STK25: variants seen among roughly 807,000 people sequenced by gnomAD.
STK25 encodes the protein serine/threonine kinase 25.
Under a neutral mutation model 53.8 loss-of-function variants are expected in STK25, and 29 were observed. The ratio of observed to expected loss-of-function variants is 0.54; its 90% confidence interval spans 0.40 to 0.74. The LOEUF (loss-of-function observed/expected upper bound fraction) is 0.74. STK25 is among the 30% of genes least tolerant of loss of function. The pLI is 0.00. For missense variants in STK25, 420 were observed against 568.0 expected (o/e 0.74, Z 2.65); for synonymous variants, 247 against 238.3 (o/e 1.04, Z -0.33).
Position 241,501,545 on chromosome 2 carries a change from T to A in STK25, c.194A>T (p.Gln65Leu). Residue 65 changes from glutamine (Q) to leucine (L), a missense_variant, in exon 3 of 12, where the codon CAG becomes CTG. Transcript: ENST00000316586. The surrounding 1 kb of genome is among the most constrained non-coding windows in gnomAD (Gnocchi z 5.3). ...EAEDEIEDIQ[Q>L]EITVLSQCDS... The stretch of plus-strand genomic sequence containing the variant: ...GCACTGACTGAGGACAGTGATCTCC[T>A]GCTGGATGTCCTCGATCTCATCCTC... The A allele has an allele frequency of 6.2e-7, 1 of 1,614,132 alleles. No individual in the cohort carries two copies. The highest frequency in any genetic ancestry group is 8.5e-7 in the Non-Finnish European group (1 of 1,180,040).
chr2:241,508,397 C>T, intron 1 of STK25, 46 bp downstream of exon 1: 5 of 1,072,106 alleles, frequency 4.7e-6, no homozygotes, highest in Admixed American at 5.3e-5. Context: ...CCTCCCTCTG[C>T]CCCCTCCCCA....
Position 241,493,408 on chromosome 2 carries a change from A to C in STK25, c.*2254T>G, listed in dbSNP as rs201251233. The stretch of plus-strand genomic sequence containing the variant: ...AAGCTCCAGTTCAAATCCCACGTCT[A>C]CTTCTTCCGGGCTGAGAGCAAGTAC... On this transcript the variant is annotated 3_prime_UTR_variant, in exon 12 of 12. Transcript: ENST00000316586. 9.3e-6 allele frequency: 15 copies of C among 1,613,936 alleles called. No individual in the cohort carries two copies. The East Asian group carries it at 2.5e-4, about 26-fold the overall frequency.
In STK25 at chr2:241,499,130, C is replaced by G. The variant is rs760810895; in HGVS notation, c.630G>C (p.Lys210Asn). 5 of 1,613,884 alleles carry G rather than the reference C, an allele frequency of 3.1e-6. No homozygotes were observed. The South Asian group carries it at 5.5e-5, about 18-fold the overall frequency. The change falls in exon 7 of 12, where the codon AAG becomes AAC. Residue 210 changes from lysine to asparagine, a missense_variant. Physicochemically the swap from Lys to Asn is moderately conservative, Grantham distance 94 (BLOSUM62 0). Transcript: ENST00000316586. ...GGAGGTCAGAGTTTGGAGGCTCCCC[C>G]TTGGCCAGCTCGATGGCTGTGATCC... ...SLGITAIELA[K>N]GEPPNSDLHP...
Position 241,494,286 on chromosome 2 carries a change from G to C in STK25, c.*1376C>G, listed in dbSNP as rs1285885191. The C allele has an allele frequency of 2.3e-6, 1 of 426,018 alleles. No homozygotes were observed. The highest frequency in any genetic ancestry group is 4.2e-6 in the Non-Finnish European group (1 of 236,346). The allele number at this position is 426,018 out of a possible 1,614,324, so 26.4% of individuals were successfully genotyped here. ...GGGCCTCATGTAACATCTGGGAGGG[G>C]CTTCATCCCCCCACCCAGGACCTAG... is the stretch of plus-strand genomic sequence containing the variant. On this transcript the variant is annotated 3_prime_UTR_variant, in exon 12 of 12. Coordinates refer to ENST00000316586, the MANE Select transcript of STK25 (RefSeq NM_001271977.2). This position sits in a 1 kb window ranked among gnomAD's most constrained non-coding sequence, Gnocchi z 4.9.
chr2:241,498,357 G>T lies in STK25; in HGVS notation c.918-8C>A. 1 of 1,571,760 alleles carries T rather than the reference G, an allele frequency of 6.4e-7. No homozygotes were observed. The highest frequency in any genetic ancestry group is 8.7e-7 in the Non-Finnish European group (1 of 1,152,846). ...TCCTCCGCCTCGCCATCACTGAAGA[G>T]GATGAGGAGTTGCCAGGGCCAGTGG... On this transcript the variant is annotated splice_polypyrimidine_tract_variant and splice_region_variant and intron_variant, in intron 8 of 11. Coordinates refer to ENST00000316586, the MANE Select transcript of STK25 (RefSeq NM_001271977.2).
At chr2:241,503,539 C>T (rs575832888) in intron 2 of STK25, among the ~76,000 whole-genome samples, 6 of 151,240 alleles carry the variant, frequency 4.0e-5, no homozygotes, top group Admixed American at 6.6e-5. Context: ...GGTGAAACCC[C>T]GTCTCTACTA....
chr2:241,495,779 T>C, intron 11 of STK25, 78 bp from the exon 12 acceptor site: 1 of 1,520,266 alleles, frequency 6.6e-7, no homozygotes, highest in Non-Finnish European at 9.1e-7. Context: ...GTGTGCAGTC[T>C]GCGGTGGCAG....
Position 241,498,263 on chromosome 2 carries a change from T to C in STK25, c.1004A>G (p.Lys335Arg), listed in dbSNP as rs770027770. The C allele has an allele frequency of 1.2e-6, 2 of 1,612,114 alleles. No homozygotes were observed. The highest frequency in any genetic ancestry group is 1.7e-6 in the Non-Finnish European group (2 of 1,178,500). ...CTGTGAACTGTGCAGGGCCGTCCCC[T>C]TGTGAAGCTTGCTGTGTGGACTCGG... is the stretch of plus-strand genomic sequence containing the variant. The part of the protein sequence containing the change: ...IRPSPHSKLH[K>R]GTALHSSQKP... The change falls in exon 9 of 12, where the codon AAG (lysine) becomes AGG (arginine). Residue 335 changes from lysine to arginine, a missense_variant. By Grantham distance (26) the Lys-to-Arg change is conservative. Coordinates refer to ENST00000316586, the MANE Select transcript of STK25 (RefSeq NM_001271977.2).
intron 2 of STK25, among the ~76,000 whole-genome samples, chr2:241,502,621 C>A (rs553140649): frequency 7.9e-5 from 12 of 152,108 alleles, no homozygotes; most frequent in African/African-American, 2.9e-4. Flanking sequence ...TGCCTGTGAT[C>A]CGAGCTACTT....
In STK25 at chr2:241,496,095, C is replaced by T. The variant is rs1277105017; in HGVS notation, c.1241+303G>A. Among the ~76,000 whole-genome samples the T allele has an allele frequency of 6.6e-6, 1 of 152,086 alleles. No homozygotes were observed. The highest frequency in any genetic ancestry group is 2.4e-5 in the African/African-American group (1 of 41,416). ...TGTCAGAGTAGCTCCCGGGAGCCACCAGGTGGAGGGGCAGAGGCCAGCTGA... is the reference window on the plus strand; with the variant it reads ...TGTCAGAGTAGCTCCCGGGAGCCACTAGGTGGAGGGGCAGAGGCCAGCTGA... On this transcript the variant is annotated intron_variant, in intron 11 of 11. Transcript: ENST00000316586. The surrounding 1 kb of genome is among the most constrained non-coding windows in gnomAD (Gnocchi z 5.8).
chr2:241,504,125 G>A (rs972651432), intron 2 of STK25: 4 of 470,962 alleles, frequency 8.5e-6, no homozygotes, highest in African/African-American at 8.0e-5. Context: ...TTAGGGGAGG[G>A]CCAGAGGCCA....
Position 241,493,253 on chromosome 2 carries a change from A to G in STK25, c.*2409T>C, listed in dbSNP as rs1055943143. The G allele has an allele frequency of 6.9e-6, 11 of 1,605,084 alleles. No homozygotes were observed. Among genetic ancestry groups the G allele is most frequent in the Non-Finnish European group, 9.4e-6 (11 of 1,174,092 alleles). On this transcript the variant is annotated 3_prime_UTR_variant, in exon 12 of 12. Coordinates refer to ENST00000316586, the MANE Select transcript of STK25 (RefSeq NM_001271977.2). ...AGAGGAATGGGCATTCCCTGTGGCAACCCAGCCCCTGGAACCCGTGTCCCT... is the reference window on the plus strand; with the variant it reads ...AGAGGAATGGGCATTCCCTGTGGCAGCCCAGCCCCTGGAACCCGTGTCCCT...
chr2:241,500,364 G>C, intron 4 of STK25, 83 bp from the exon 5 acceptor site: 2 of 962,872 alleles, frequency 2.1e-6, no homozygotes, highest in Non-Finnish European at 3.3e-6. Flanking sequence ...CACAGGGAAG[G>C]GCTGTCCCTG....
intron 2 of STK25, among the ~76,000 whole-genome samples, chr2:241,507,357 G>A (rs936470513): frequency 2.0e-5 from 3 of 152,208 alleles, no homozygotes; most frequent in African/African-American, 7.2e-5. Flanking sequence ...CCCACCAGAC[G>A]CTTAAAGGTG....
In STK25 at chr2:241,494,026, G is replaced by C; in HGVS notation, c.*1636C>G. The C allele has an allele frequency of 7.2e-7, 1 of 1,396,006 alleles. No homozygotes were observed. The highest frequency in any genetic ancestry group is 1.5e-5 in the African/African-American group (1 of 67,026). The allele number at this position is 1,396,006 out of a possible 1,614,324, so 86.5% of individuals were successfully genotyped here. A position where few individuals can be genotyped will look rare whatever the true frequency, so the allele number is the denominator to read the frequency against. On this transcript the variant is annotated 3_prime_UTR_variant, in exon 12 of 12. Transcript: ENST00000316586. The surrounding 1 kb of genome is among the most constrained non-coding windows in gnomAD (Gnocchi z 4.9). ...CCTCCAGGTGGATGGAGGTGATCCAGGGGGCCAGCAGCTCAGCCGGGAGGG... is the reference window on the plus strand; with the variant it reads ...CCTCCAGGTGGATGGAGGTGATCCACGGGGCCAGCAGCTCAGCCGGGAGGG...
rs2065040377 is a variant in STK25 at position 241,494,178 on chromosome 2, G to A, written c.*1484C>T. 2.6e-6 allele frequency: 3 copies of A among 1,151,386 alleles called. No individual in the cohort carries two copies. The Admixed American group carries it at 8.9e-5, about 34-fold the overall frequency. 71.3% of individuals were successfully genotyped at this position (1,151,386 alleles called of 1,614,324 possible). A position where few individuals can be genotyped will look rare whatever the true frequency, so the allele number is the denominator to read the frequency against. On this transcript the variant is annotated 3_prime_UTR_variant, in exon 12 of 12. Transcript: ENST00000316586. This position sits in a 1 kb window ranked among gnomAD's most constrained non-coding sequence, Gnocchi z 4.9. ...ACTACAAAGAACAGCAGGACACAGAGGTGACCTCTGTCCTGAGGCTTCTCA... is the reference window on the plus strand; with the variant it reads ...ACTACAAAGAACAGCAGGACACAGAAGTGACCTCTGTCCTGAGGCTTCTCA...
Position 241,492,987 on chromosome 2 carries a change from T to C in STK25, c.*2675A>G. 6.2e-7 allele frequency: 1 copy of C among 1,612,922 alleles called. No individual in the cohort carries two copies. The highest frequency in any genetic ancestry group is 8.5e-7 in the Non-Finnish European group (1 of 1,178,892). The stretch of plus-strand genomic sequence containing the variant: ...AAAAACAGTCATGGCTGGCAGAAGC[T>C]CTGGGTCGTCTTTACCAACTTCTGT... On this transcript the variant is annotated 3_prime_UTR_variant, in exon 12 of 12. Coordinates refer to ENST00000316586, the MANE Select transcript of STK25 (RefSeq NM_001271977.2).
chr2:241,504,441 C>T lies in STK25; in HGVS notation c.31-2733G>A, dbSNP rs569195042. On this transcript the variant is annotated intron_variant, in intron 2 of 11. Transcript: ENST00000316586. ...GCAGGATAGAGAGAGCTGAGTACTG[C>T]CTGGGGTCATTCCGGTCAAGGTGAG... 2.0e-5 allele frequency among the ~76,000 whole-genome samples: 3 copies of T among 152,286 alleles called. No individual in the cohort carries two copies. The East Asian group carries it at 5.8e-4, about 29-fold the overall frequency.
chr2:241,501,382 C>A lies in STK25; in HGVS notation c.261+96G>T. On this transcript the variant is annotated intron_variant, in intron 3 of 11. Coordinates refer to ENST00000316586, the MANE Select transcript of STK25 (RefSeq NM_001271977.2). This position sits in a 1 kb window ranked among gnomAD's most constrained non-coding sequence, Gnocchi z 5.3. ...GAGGGCATGCACTGAACCGTCAAGA[C>A]CGCCTTGCACCCTCTGGCATGTCAC... 2.3e-6 allele frequency: 3 copies of A among 1,291,474 alleles called. No homozygotes were observed. The highest frequency in any genetic ancestry group is 3.3e-6 in the Non-Finnish European group (3 of 909,796). 80.0% of individuals were successfully genotyped at this position (1,291,474 alleles called of 1,614,324 possible).
Sources: allele counts gnomAD v4.1 joint callset (sites outside exome capture counted in the v4.1 genomes callset), GRCh38; gene constraint gnomAD v4.1.1; non-coding constraint Gnocchi (gnomAD v3.1); transcripts MANE v1.5; gene names NCBI Gene and HGNC (gene_info 2026-07-23, HGNC 2026-07-21).